SLC13A3: variants seen among roughly 807,000 people sequenced by gnomAD.
SLC13A3 encodes the protein solute carrier family 13 member 3.
A neutral mutation model predicts 59.0 loss-of-function variants in SLC13A3; 40 were observed. The ratio of observed to expected loss-of-function variants is 0.68; its 90% CI spans 0.53 to 0.88. SLC13A3 has a LOEUF of 0.88. Ranked by LOEUF, SLC13A3 falls within the 40% of genes least tolerant of loss-of-function variation. The pLI is 0.00. For missense variants in SLC13A3, 699 were observed against 783.2 expected, an observed-to-expected ratio of 0.89 and a Z score of 1.28; for synonymous variants, 317 against 330.3, an observed-to-expected ratio of 0.96 and a Z score of 0.44.
At chr20:46,602,023 G>A (rs1341489935) in intron 3 of SLC13A3, among the ~76,000 whole-genome samples, 1 of 152,176 alleles carries the variant, frequency 6.6e-6, no homozygotes, top group Non-Finnish European at 1.5e-5. Context: ...CAGGACAGGA[G>A]CTAACTTTGT....
intron 5 of SLC13A3, among the ~76,000 whole-genome samples, chr20:46,594,622 A>G (rs1001586177): frequency 2.6e-5 from 4 of 152,232 alleles, no homozygotes; most frequent in African/African-American, 9.6e-5. Flanking sequence ...TCACTGAGCT[A>G]AAACCAGAAG....
chr20:46,607,824 G>GT (rs1568933855), intron 3 of SLC13A3, among the ~76,000 whole-genome samples: 1 of 152,200 alleles, frequency 6.6e-6, no homozygotes, highest in Non-Finnish European at 1.5e-5. Flanking sequence ...TGGAAACTGC[G>GT]TAACGGGGGG....
At chr20:46,601,244 G>A (rs1159950516) in intron 3 of SLC13A3, among the ~76,000 whole-genome samples, 11 of 152,302 alleles carry the variant, frequency 7.2e-5, no homozygotes, top group South Asian at 6.2e-4. Flanking sequence ...GGCCTGGTCC[G>A]AGAGAATGGA....
Position 46,589,357 on chromosome 20 carries a change from C to T in SLC13A3, c.921-102G>A, listed in dbSNP as rs6124825. The T allele has an allele frequency of 2.3e-3, 2,062 of 913,332 alleles. 33 individuals are homozygous for T. In the East Asian group the frequency reaches 0.039, roughly 17 times the overall value. 56.6% of individuals were successfully genotyped at this position (913,332 alleles called of 1,614,324 possible). On this transcript the variant is annotated intron_variant, in intron 6 of 12. Coordinates refer to ENST00000279027, the MANE Select transcript of SLC13A3 (RefSeq NM_022829.6). ...CTGACCAAGCCACATCCTCTCTGTCCGGGAGGCTGCAACTGCCTGATAGCT... is the reference window on the plus strand; with the variant it reads ...CTGACCAAGCCACATCCTCTCTGTCTGGGAGGCTGCAACTGCCTGATAGCT...
intron 9 of SLC13A3, among the ~76,000 whole-genome samples, chr20:46,578,836 TG>T (rs2146104343): frequency 9.1e-6 from 1 of 109,900 alleles, no homozygotes; most frequent in Non-Finnish European, 1.9e-5. Flanking sequence ...AATGAAGTGA[TG>T]GAGTGAGTCA....
intron 10 of SLC13A3, 141 bp from the exon 11 acceptor site, chr20:46,566,531 T>TCAC: frequency 1.1e-6 from 1 of 898,566 alleles, no homozygotes; most frequent in Non-Finnish European, 1.6e-6. Flanking sequence ...GGAGGTGACG[T>TCAC]GTCCAATGTC....
chr20:46,667,200 T>A (rs1228224068), intron 1 of SLC13A3, among the ~76,000 whole-genome samples: 1 of 152,042 alleles, frequency 6.6e-6, no homozygotes, highest in Non-Finnish European at 1.5e-5. Flanking sequence ...CAGACAACAG[T>A]GTATGGAGGG....
intron 1 of SLC13A3, among the ~76,000 whole-genome samples, chr20:46,625,592 G>T (rs1317795409): frequency 6.6e-6 from 1 of 152,202 alleles, no homozygotes; most frequent in African/African-American, 2.4e-5. Flanking sequence ...CATCTCCCCA[G>T]AAAGTTCCTA....
intron 1 of SLC13A3, among the ~76,000 whole-genome samples, chr20:46,666,019 A>G (rs1359986001): frequency 1.3e-5 from 2 of 152,198 alleles, no homozygotes; most frequent in Non-Finnish European, 2.9e-5. Context: ...AGGTGGTAGG[A>G]AAGGATTCAA....
chr20:46,564,574 A>G (rs1196712106), intron 11 of SLC13A3, among the ~76,000 whole-genome samples: 1 of 151,706 alleles, frequency 6.6e-6, no homozygotes, highest in Non-Finnish European at 1.5e-5. Flanking sequence ...CCGTCCCCAT[A>G]CCCCCTATAA....
At chr20:46,613,427 C>T (rs751537503) in intron 2 of SLC13A3, 33 bp downstream of exon 2, 16 of 1,532,490 alleles carry the variant, frequency 1.0e-5, no homozygotes, top group East Asian at 4.6e-5. Context: ...TCTGCCTCTC[C>T]GCTGTAGGGC....
intron 6 of SLC13A3, among the ~76,000 whole-genome samples, chr20:46,591,164 C>CTACATAAA (rs557539134): frequency 5.0e-4 from 74 of 148,960 alleles, no homozygotes; most frequent in Non-Finnish European, 9.3e-4. Context: ...GAGACTTTGT[C>CTACATAAA]TAAATAAATA....
intron 1 of SLC13A3, among the ~76,000 whole-genome samples, chr20:46,682,825 CA>C (rs1224799773): frequency 6.6e-6 from 1 of 152,126 alleles, no homozygotes; most frequent in Non-Finnish European, 1.5e-5. Flanking sequence ...GGGATTCACA[CA>C]AAACTGCTAG....
At chr20:46,579,728 T>C (rs896400332) in intron 9 of SLC13A3, among the ~76,000 whole-genome samples, 4 of 152,218 alleles carry the variant, frequency 2.6e-5, no homozygotes, top group African/African-American at 9.6e-5. Flanking sequence ...TTGGCCCACA[T>C]AGTATTTGTT....
At position 46,559,952 on chromosome 20, in the gene SLC13A3, T is replaced by A. The variant is rs1185937871; in HGVS notation, c.*70A>T. 3 of 1,434,644 alleles carry A rather than the reference T, an allele frequency of 2.1e-6. No homozygotes were observed. Among genetic ancestry groups the A allele is most frequent in the Non-Finnish European group, 2.9e-6 (3 of 1,030,640 alleles). The allele number at this position is 1,434,644 out of a possible 1,614,324, so 88.9% of individuals were successfully genotyped here. On this transcript the variant is annotated 3_prime_UTR_variant, in exon 13 of 13. Coordinates refer to ENST00000279027, the MANE Select transcript of SLC13A3 (RefSeq NM_022829.6). The stretch of plus-strand genomic sequence containing the variant: ...AAAGAATTATTTGATTGTTTTGTAG[T>A]GTCCTAGCAGCAGGTGATGGTGACA...
chr20:46,637,885 A>G (rs2062809696), intron 1 of SLC13A3, among the ~76,000 whole-genome samples: 1 of 152,086 alleles, frequency 6.6e-6, no homozygotes, highest in Admixed American at 6.5e-5. Flanking sequence ...CCAGGAGGTG[A>G]TTCAGGGGGA....
At chr20:46,583,918 C>T in intron 8 of SLC13A3, 2 of 985,370 alleles carry the variant, frequency 2.0e-6, no homozygotes, top group Non-Finnish European at 2.4e-6. Flanking sequence ...AACTCAAGGA[C>T]CCTACGAAGA....
intron 1 of SLC13A3, among the ~76,000 whole-genome samples, chr20:46,630,706 C>G (rs1447369178): frequency 2.0e-5 from 3 of 152,224 alleles, no homozygotes; most frequent in African/African-American, 7.2e-5. Context: ...CCTAGTAATT[C>G]TGTGATCAGA....
intron 1 of SLC13A3, among the ~76,000 whole-genome samples, chr20:46,623,084 G>A (rs2062632581): frequency 6.6e-6 from 1 of 152,116 alleles, no homozygotes; most frequent in Admixed American, 6.5e-5. Context: ...CAGAGAAAAA[G>A]GGAACACTTC....
Sources: gnomAD v4.1 joint callset for allele counts (sites outside exome capture counted in the v4.1 genomes callset) on GRCh38, gnomAD v4.1.1 for gene constraint, MANE v1.5 for transcripts, NCBI Gene and HGNC (gene_info 2026-07-23, HGNC 2026-07-21) for gene names.